KCNC3: variants seen among roughly 807,000 people sequenced by gnomAD.
KCNC3 encodes the protein potassium voltage-gated channel subfamily C member 3.
KCNC3 carries 22 observed loss-of-function variants against 43.9 expected under a neutral mutation model. The observed-to-expected ratio is 0.50, with a 90% CI of 0.36 to 0.72. The LOEUF (loss-of-function observed/expected upper bound fraction) is 0.72. Ranked by LOEUF, KCNC3 falls within the 30% of genes least tolerant of loss-of-function variation. KCNC3 has a pLI of 0.00. For synonymous variants in KCNC3, 492 were observed against 488.0 expected (o/e 1.01, Z -0.11); for missense variants, 829 against 1,073.8 (o/e 0.77, Z 3.19).
chr19:50,320,814 C>T, intron 2 of KCNC3, 30 bp from the exon 3 acceptor site: 1 of 1,609,258 alleles, frequency 6.2e-7, no homozygotes, highest in Non-Finnish European at 8.5e-7. Context: ...GACAGAGAGA[C>T]AAAGGAGAGA....
intron 4 of KCNC3, among the ~76,000 whole-genome samples, chr19:50,317,932 T>G (rs2036977510): frequency 6.6e-6 from 1 of 152,108 alleles, no homozygotes; most frequent in African/African-American, 2.4e-5. Flanking sequence ...CCCAAGTAGC[T>G]GGGTCTACAG....
In KCNC3 at chr19:50,323,198, GGGCGGGGGT is replaced by G. The variant is rs747618525; in HGVS notation, c.1746_1754del (p.Pro583_Pro585del). On this transcript the variant is annotated inframe_deletion, in exon 2 of 5. Coordinates refer to ENST00000477616, the MANE Select transcript of KCNC3 (RefSeq NM_004977.3). ...TGCCCCCGCTGCCGTGGTGCGGGTG[GGGCGGGGGT>G]GGCGGGGGTGGGTCAGGCTTGCAGT... is the stretch of plus-strand genomic sequence containing the variant. The G allele has an allele frequency of 1.4e-4, 211 of 1,522,128 alleles. No homozygotes were observed. Among genetic ancestry groups the G allele is most frequent in the Non-Finnish European group, 1.6e-4 (185 of 1,134,934 alleles). The allele number at this position is 1,522,128 out of a possible 1,614,324, so 94.3% of individuals were successfully genotyped here.
chr19:50,324,699 G>A lies in KCNC3; in HGVS notation c.871-617C>T, dbSNP rs183456415. ...GTTGTGAGGATTAAATTAGATGAGC[G>A]TACGAAGGACTTGGCTCCAAACACA... On this transcript the variant is annotated intron_variant, in intron 1 of 4. Coordinates refer to ENST00000477616, the MANE Select transcript of KCNC3 (RefSeq NM_004977.3). The surrounding 1 kb of genome is among the most constrained non-coding windows in gnomAD (Gnocchi z 4.1). Among the ~76,000 whole-genome samples the A allele has an allele frequency of 4.6e-5, 7 of 152,242 alleles. No individual in the cohort carries two copies. The highest frequency in any genetic ancestry group is 1.9e-4 in the East Asian group (1 of 5,174).
rs1182438417 is a variant in KCNC3, at chr19:50,324,711, T to C, written c.871-629A>G. Among the ~76,000 whole-genome samples the C allele has an allele frequency of 4.6e-5, 7 of 152,162 alleles. No homozygotes were observed. In the East Asian group the frequency reaches 1.4e-3, roughly 29 times the overall value. On this transcript the variant is annotated intron_variant, in intron 1 of 4. Coordinates refer to ENST00000477616, the MANE Select transcript of KCNC3 (RefSeq NM_004977.3). The surrounding 1 kb of genome is among the most constrained non-coding windows in gnomAD (Gnocchi z 4.1). ...AAATTAGATGAGCGTACGAAGGACT[T>C]GGCTCCAAACACAGTGCTTGGAGCA... is the stretch of plus-strand genomic sequence containing the variant.
In KCNC3 at chr19:50,323,843, G is replaced by A. The variant is rs376287269; in HGVS notation, c.1110C>T (p.Cys370=). 23 of 1,614,086 alleles carry A rather than the reference G, an allele frequency of 1.4e-5. No homozygotes were observed. Among genetic ancestry groups the A allele is most frequent in the Non-Finnish European group, 1.9e-5 (23 of 1,180,052 alleles). The stretch of plus-strand genomic sequence containing the variant: ...TTTTAAGAAACTCCACCTTGTCTGG[G>A]CAGAAGGTGATGCGCATGAGGAACT... ...TFEFLMRITF[C]PDKVEFLKSS... The change falls in exon 2 of 5, where the codon TGC becomes TGT. Residue 370 remains cysteine, a synonymous_variant. Coordinates refer to ENST00000477616, the MANE Select transcript of KCNC3 (RefSeq NM_004977.3).
At position 50,328,329 on chromosome 19, in the gene KCNC3, C is replaced by A. The variant is rs2037132123; in HGVS notation, c.754G>T (p.Gly252Cys). The change falls in exon 1 of 5, where the codon GGC (glycine) becomes TGC (cysteine). Residue 252 changes from glycine (G) to cysteine (C), a missense_variant. Around this residue, in one of 7 missense-constraint regions of KCNC3, gnomAD observed 60 missense variants for 56.0 expected, o/e 1.07. Transcript: ENST00000477616. ...CCCCCTGGCGGCCCCCCGGCGCCGC[C>A]GCCCGCGTCCTGGAAGCAGAGGCGC... ...LKRLCFQDAG[G>C]GAGGPPGGAG... is the part of the protein sequence containing the mutation. 2 of 1,141,362 alleles carry A rather than the reference C, an allele frequency of 1.8e-6. No homozygotes were observed. Among genetic ancestry groups the A allele is most frequent in the Admixed American group, 4.7e-5 (1 of 21,182 alleles). 70.7% of individuals were successfully genotyped at this position (1,141,362 alleles called of 1,614,324 possible).
intron 1 of KCNC3, among the ~76,000 whole-genome samples, 169 bp downstream of exon 1, chr19:50,328,043 AG>A (rs1458883393): frequency 8.5e-6 from 1 of 117,972 alleles, no homozygotes; most frequent in East Asian, 2.4e-4. Flanking sequence ...TGGCTGCGAG[AG>A]GGGGGTGTGT....
rs956822081 is a variant in KCNC3 at position 50,324,703 on chromosome 19, G to A, written c.871-621C>T. Among the ~76,000 whole-genome samples the A allele has an allele frequency of 1.3e-5, 2 of 152,150 alleles. No individual in the cohort carries two copies. Among genetic ancestry groups the A allele is most frequent in the Non-Finnish European group, 2.9e-5 (2 of 68,034 alleles). ...TGAGGATTAAATTAGATGAGCGTAC[G>A]AAGGACTTGGCTCCAAACACAGTGC... On this transcript the variant is annotated intron_variant, in intron 1 of 4. Coordinates refer to ENST00000477616, the MANE Select transcript of KCNC3 (RefSeq NM_004977.3). The surrounding 1 kb of genome is among the most constrained non-coding windows in gnomAD (Gnocchi z 4.1).
rs201217806 is a variant in KCNC3, at chr19:50,328,570, G to C, written c.513C>G (p.Leu171=). 3 of 1,610,958 alleles carry C rather than the reference G, an allele frequency of 1.9e-6. No individual in the cohort carries two copies. The highest frequency in any genetic ancestry group is 2.5e-6 in the Non-Finnish European group (3 of 1,179,538). ...DVCGPLFEEE[L]GFWGIDETDV... The stretch of plus-strand genomic sequence containing the variant: ...CGGTCTCGTCGATGCCCCAGAAGCC[G>C]AGCTCCTCCTCAAACAGGGGCCCGC... Residue 171 remains leucine, a synonymous_variant, in exon 1 of 5, where the codon CTC becomes CTG. Coordinates refer to ENST00000477616, the MANE Select transcript of KCNC3 (RefSeq NM_004977.3).
chr19:50,313,036 C>T lies in KCNC3; in HGVS notation c.*3079G>A, dbSNP rs368304830. The stretch of plus-strand genomic sequence containing the variant: ...ACCCTCGGGTGGGGGGTTCCTGAGG[C>T]CGTGGGAGCAGAGGGAGGGAGGTGG... On this transcript the variant is annotated 3_prime_UTR_variant, in exon 5 of 5. Transcript: ENST00000477616. The T allele has an allele frequency of 6.6e-6, 1 of 152,092 alleles. No homozygotes were observed. Among genetic ancestry groups the T allele is most frequent in the African/African-American group, 2.4e-5 (1 of 41,410 alleles). The allele number at this position is 152,092 out of a possible 1,614,324, so 9.4% of individuals were successfully genotyped here. A position where few individuals can be genotyped will look rare whatever the true frequency, so the allele number is the denominator to read the frequency against.
intron 3 of KCNC3, 68 bp downstream of exon 3, chr19:50,320,525 C>T: frequency 6.8e-7 from 1 of 1,477,948 alleles, no homozygotes; most frequent in Middle Eastern, 2.3e-4. Context: ...CCATCCCCCT[C>T]TCCTCCCTCC....
intron 4 of KCNC3, among the ~76,000 whole-genome samples, chr19:50,319,984 G>A (rs2037005689): frequency 6.7e-6 from 1 of 150,330 alleles, no homozygotes; most frequent in African/African-American, 2.5e-5. Flanking sequence ...TCGGTCGTGA[G>A]GGCAGGTGCA....
upstream of KCNC3, chr19:50,329,640 G>A (rs527757349): frequency 6.6e-6 from 1 of 152,348 alleles, no homozygotes; most frequent in Non-Finnish European, 1.5e-5. Flanking sequence ...AGGACCTGGT[G>A]GGGAGGAGCA....
intron 1 of KCNC3, 32 bp downstream of exon 1, chr19:50,328,180 TG>T: frequency 1.7e-6 from 1 of 571,932 alleles, no homozygotes; most frequent in East Asian, 3.4e-4. Flanking sequence ...GAGGCGGGGG[TG>T]GGGTGGATGG....
intron 1 of KCNC3, among the ~76,000 whole-genome samples, chr19:50,326,476 C>A (rs1483992439): frequency 6.6e-6 from 1 of 152,036 alleles, no homozygotes; most frequent in Non-Finnish European, 1.5e-5. Context: ...TGGCTCCAGG[C>A]GTCCCCCCGC....
chr19:50,328,382 C>T lies in KCNC3; in HGVS notation c.701G>A (p.Gly234Asp). 7.9e-7 allele frequency: 1 copy of T among 1,259,030 alleles called. No homozygotes were observed. Among genetic ancestry groups the T allele is most frequent in the Non-Finnish European group, 9.9e-7 (1 of 1,006,670 alleles). The allele number at this position is 1,259,030 out of a possible 1,614,324, so 78.0% of individuals were successfully genotyped here. Residue 234 changes from glycine to aspartate, a missense_variant, in exon 1 of 5, where the codon GGC (glycine) becomes GAC (aspartate). Physicochemically the swap from Gly to Asp is moderately conservative, Grantham distance 94. This residue lies in a region of KCNC3 where 60 missense variants were observed against 56.0 expected (regional missense o/e 1.07). Coordinates refer to ENST00000477616, the MANE Select transcript of KCNC3 (RefSeq NM_004977.3). ...LDDEAGAGGG[G>D]LDGAGGELKR... Reference sequence around the variant, plus strand: ...GAGCTCGCCGCCCGCTCCGTCCAGGCCGCCGCCGCCCGCGCCCGCCTCGTC... The same window carrying T: ...GAGCTCGCCGCCCGCTCCGTCCAGGTCGCCGCCGCCCGCGCCCGCCTCGTC...
chr19:50,322,950 C>T (rs201471699), intron 2 of KCNC3, 25 bp downstream of exon 2: 2 of 1,549,942 alleles, frequency 1.3e-6, no homozygotes, highest in South Asian at 1.2e-5. Flanking sequence ...CACCTGTGCC[C>T]CCGATCCCTG....
chr19:50,320,381 G>T (rs1218961481), intron 3 of KCNC3, 32 bp from the exon 4 acceptor site: 1 of 521,810 alleles, frequency 1.9e-6, no homozygotes, highest in Admixed American at 3.2e-5. Context: ...AGAGAGTTGG[G>T]GGGAATGGAC....
At chr19:50,332,862 T>C (rs1360830263), upstream of KCNC3, among the ~76,000 whole-genome samples, 3 of 151,862 alleles carry the variant, frequency 2.0e-5, no homozygotes, top group East Asian at 1.9e-4. This position sits in a 1 kb window ranked among gnomAD's most constrained non-coding sequence, Gnocchi z 5.8. Flanking sequence ...CCCTCCCCCA[T>C]TACCCCAGGC....
Sources: allele counts gnomAD v4.1 joint callset (sites outside exome capture counted in the v4.1 genomes callset), GRCh38; gene constraint gnomAD v4.1.1; regional missense constraint gnomAD v4.1.1; non-coding constraint Gnocchi (gnomAD v3.1); transcripts MANE v1.5; gene names NCBI Gene and HGNC (gene_info 2026-07-23, HGNC 2026-07-21).